SGCZ: variants seen among roughly 807,000 people sequenced by gnomAD.
SGCZ encodes the protein sarcoglycan zeta.
SGCZ carries 40 observed loss-of-function variants against 41.3 expected under a neutral mutation model. The observed-to-expected ratio is 0.97, with a 90% CI of 0.75 to 1.26. The LOEUF is 1.26. Among genes scored for constraint, SGCZ ranks in the 50% most tolerant of loss-of-function variants. SGCZ has a pLI of 0.00. For missense variants in SGCZ, 552 were observed against 369.8 expected, an observed-to-expected ratio of 1.49 and a Z score of -4.04; for synonymous variants, 206 against 137.5, an observed-to-expected ratio of 1.50 and a Z score of -3.49.
intron 1 of SGCZ, among the ~76,000 whole-genome samples, chr8:14,932,159 T>C (rs1439930314): frequency 1.3e-5 from 2 of 152,008 alleles, no homozygotes; most frequent in Non-Finnish European, 2.9e-5. Flanking sequence ...TAGTACATAG[T>C]TCTCTGGTGA....
intron 1 of SGCZ, among the ~76,000 whole-genome samples, chr8:14,713,188 G>A (rs1375008066): frequency 6.6e-6 from 1 of 152,154 alleles, no homozygotes; most frequent in African/African-American, 2.4e-5. Context: ...CAGATAACAT[G>A]CATAGTAATT....
At chr8:14,201,336 C>T (rs1042188341) in intron 4 of SGCZ, among the ~76,000 whole-genome samples, 1 of 152,032 alleles carries the variant, frequency 6.6e-6, no homozygotes, top group African/African-American at 2.4e-5. Flanking sequence ...CTTCTAGTGG[C>T]TTTATATCAA....
intron 2 of SGCZ, among the ~76,000 whole-genome samples, chr8:14,500,344 G>GT (rs1802114627): frequency 6.6e-6 from 1 of 151,984 alleles, no homozygotes; most frequent in Non-Finnish European, 1.5e-5. Flanking sequence ...TTTTGAGAAA[G>GT]TATCTGAGAG....
At chr8:14,155,331 G>A (rs1803845362) in intron 5 of SGCZ, among the ~76,000 whole-genome samples, 1 of 151,982 alleles carries the variant, frequency 6.6e-6, no homozygotes, top group African/African-American at 2.4e-5. Flanking sequence ...CTTATCAGAT[G>A]TTGCCTGATG....
intron 1 of SGCZ, among the ~76,000 whole-genome samples, chr8:14,678,557 C>T (rs540005834): frequency 5.9e-5 from 9 of 152,288 alleles, no homozygotes; most frequent in East Asian, 3.9e-4. Flanking sequence ...AAGGATGTGG[C>T]GCAAAAGCAA....
At chr8:15,113,072 G>T (rs1261330942) in intron 1 of SGCZ, among the ~76,000 whole-genome samples, 1 of 151,994 alleles carries the variant, frequency 6.6e-6, no homozygotes, top group Non-Finnish European at 1.5e-5. Context: ...AGCCAGATGT[G>T]GTTGTGAGCG....
chr8:15,112,484 C>A (rs185960244), intron 1 of SGCZ, among the ~76,000 whole-genome samples: 1 of 152,326 alleles, frequency 6.6e-6, no homozygotes, highest in East Asian at 1.9e-4. Flanking sequence ...TTAAAAACAT[C>A]TCTTCCTATT....
At chr8:14,211,552 C>T (rs893586449) in intron 4 of SGCZ, among the ~76,000 whole-genome samples, 24 of 152,004 alleles carry the variant, frequency 1.6e-4, no homozygotes, top group Non-Finnish European at 2.9e-4. Context: ...CTCACAGTTC[C>T]CCAGGCTTAA....
At chr8:14,179,571 C>A (rs1804657010) in intron 4 of SGCZ, among the ~76,000 whole-genome samples, 2 of 152,124 alleles carry the variant, frequency 1.3e-5, no homozygotes, top group South Asian at 4.1e-4. Flanking sequence ...AACATGCTAA[C>A]CTCAGAGTCT....
chr8:14,134,129 C>G (rs1803124591), intron 5 of SGCZ, among the ~76,000 whole-genome samples: 1 of 152,242 alleles, frequency 6.6e-6, no homozygotes, highest in African/African-American at 2.4e-5. Flanking sequence ...TGACAAATAT[C>G]TATTTTACAT....
At chr8:14,744,246 G>T (rs1799280234) in intron 1 of SGCZ, among the ~76,000 whole-genome samples, 1 of 152,154 alleles carries the variant, frequency 6.6e-6, no homozygotes, top group Non-Finnish European at 1.5e-5. Flanking sequence ...TGAGCTACGT[G>T]CACTGCACAA....
chr8:14,220,875 G>A (rs111420614), intron 4 of SGCZ, among the ~76,000 whole-genome samples: 1 of 152,110 alleles, frequency 6.6e-6, no homozygotes, highest in Admixed American at 6.6e-5. Context: ...AGCAAAAAAG[G>A]AAATAGCATT....
chr8:14,756,758 G>C (rs1799682795), intron 1 of SGCZ, among the ~76,000 whole-genome samples: 1 of 152,126 alleles, frequency 6.6e-6, no homozygotes, highest in Non-Finnish European at 1.5e-5. Flanking sequence ...ACAAATGGGA[G>C]AAGACATTAT....
chr8:14,338,905 GCA>G (rs1318764932), intron 2 of SGCZ, among the ~76,000 whole-genome samples: 6 of 152,162 alleles, frequency 3.9e-5, no homozygotes, highest in Admixed American at 3.9e-4. Flanking sequence ...CCACATTTCT[GCA>G]CAGTCATTGG....
chr8:15,069,239 G>A (rs954568726), intron 1 of SGCZ, among the ~76,000 whole-genome samples: 4 of 151,998 alleles, frequency 2.6e-5, no homozygotes, highest in African/African-American at 9.7e-5. Context: ...TTGTTATGAT[G>A]CCCAGGTTGG....
At chr8:14,206,482 A>T (rs1310084112) in intron 4 of SGCZ, among the ~76,000 whole-genome samples, 1 of 152,214 alleles carries the variant, frequency 6.6e-6, no homozygotes, top group Non-Finnish European at 1.5e-5. Flanking sequence ...ATTTATACAA[A>T]GAAAAATCTA....
intron 1 of SGCZ, among the ~76,000 whole-genome samples, chr8:14,627,138 C>T (rs1345871923): frequency 6.6e-6 from 1 of 152,050 alleles, no homozygotes; most frequent in Non-Finnish European, 1.5e-5. Flanking sequence ...AATACATTTA[C>T]TAGTAAAATA....
intron 5 of SGCZ, among the ~76,000 whole-genome samples, chr8:14,122,489 A>G (rs1409428739): frequency 6.6e-6 from 1 of 152,192 alleles, no homozygotes; most frequent in Non-Finnish European, 1.5e-5. Context: ...CAGTCCATGT[A>G]GGTTCATTGT....
At chr8:14,111,251 C>T (rs1410398673) in intron 5 of SGCZ, among the ~76,000 whole-genome samples, 3 of 152,058 alleles carry the variant, frequency 2.0e-5, no homozygotes, top group East Asian at 1.9e-4. Context: ...AGGGGATATA[C>T]TTATACTGAA....
Sources: allele counts gnomAD v4.1 joint callset (sites outside exome capture counted in the v4.1 genomes callset), GRCh38; gene constraint gnomAD v4.1.1; transcripts MANE v1.5; gene names NCBI Gene and HGNC (gene_info 2026-07-23, HGNC 2026-07-21).